Variants in HSD17B14 observed in about 807,000 individuals in gnomAD.
HSD17B14 encodes L-fucose dehydrogenase.
Under a neutral mutation model 32.2 loss-of-function variants are expected in HSD17B14, and 32 were observed. The observed-to-expected ratio is 0.99, with a 90% CI of 0.75 to 1.33. The LOEUF is 1.33. Ranked by LOEUF, HSD17B14 falls within the 40% of genes most tolerant of loss-of-function variation. The pLI, the probability that HSD17B14 is intolerant of heterozygous loss-of-function variation, is 0.00. For synonymous variants in HSD17B14, 140 were observed against 155.4 expected (o/e 0.90, Z 0.74); for missense variants, 370 against 366.5 (o/e 1.01, Z -0.08).
chr19:48,831,808 A>G, intron 4 of HSD17B14, 49 bp from the exon 5 acceptor site: 1 of 1,084,162 alleles, frequency 9.2e-7, no homozygotes, highest in South Asian at 1.3e-5. Flanking sequence ...GGCTGGACAC[A>G]GTTGCCCACG....
intron 5 of HSD17B14, among the ~76,000 whole-genome samples, chr19:48,824,787 A>C (rs2035217216): frequency 1.3e-5 from 2 of 152,084 alleles, no homozygotes; most frequent in Admixed American, 1.3e-4. Flanking sequence ...AAAAGAAAGA[A>C]AGAAAGAAAG....
intron 5 of HSD17B14, among the ~76,000 whole-genome samples, chr19:48,830,495 T>C (rs966677161): frequency 8.5e-5 from 13 of 152,112 alleles, no homozygotes; most frequent in African/African-American, 2.9e-4. Context: ...AACCAAAGTA[T>C]AAAAGAAAAT....
intron 5 of HSD17B14, among the ~76,000 whole-genome samples, chr19:48,822,599 G>A (rs1264567873): frequency 6.6e-6 from 1 of 151,652 alleles, no homozygotes; most frequent in Non-Finnish European, 1.5e-5. Flanking sequence ...TGATGAGGAT[G>A]GTGATGGTGA....
intron 5 of HSD17B14, among the ~76,000 whole-genome samples, chr19:48,823,468 A>C (rs2035192464): frequency 6.6e-6 from 1 of 152,092 alleles, no homozygotes; most frequent in South Asian, 2.1e-4. Flanking sequence ...GTGTTTGGAA[A>C]TGAACTGTCA....
Position 48,821,817 on chromosome 19 carries a change from C to T in HSD17B14, c.370-6676G>A, listed in dbSNP as rs181513187. On this transcript the variant is annotated intron_variant, in intron 5 of 8. Coordinates refer to ENST00000263278, the MANE Select transcript of HSD17B14 (RefSeq NM_016246.3). ...ATGATCGTAGTGATGATGATGGTGA[C>T]GGTGATGGTGAAGATGGTGATGATG... Among the ~76,000 whole-genome samples, 445 of 145,782 alleles carry T rather than the reference C, an allele frequency of 3.1e-3. 21 individuals are homozygous for T. The East Asian group carries it at 0.081, about 26-fold the overall frequency.
intron 5 of HSD17B14, among the ~76,000 whole-genome samples, chr19:48,826,299 C>G (rs2035244590): frequency 6.6e-6 from 1 of 150,576 alleles, no homozygotes; most frequent in Non-Finnish European, 1.5e-5. Context: ...TTGAGACCTG[C>G]CTGAACAACA....
chr19:48,815,794 G>T (rs756922325), intron 5 of HSD17B14, among the ~76,000 whole-genome samples: 2 of 151,962 alleles, frequency 1.3e-5, no homozygotes, highest in Non-Finnish European at 2.9e-5. Flanking sequence ...GGCTGAGGTG[G>T]GTGGATCATC....
At chr19:48,815,744 A>G (rs1157042067) in intron 5 of HSD17B14, among the ~76,000 whole-genome samples, 2 of 152,178 alleles carry the variant, frequency 1.3e-5, no homozygotes, top group East Asian at 3.9e-4. Flanking sequence ...ACTCTAGACC[A>G]GGCACAGTGT....
intron 5 of HSD17B14, among the ~76,000 whole-genome samples, chr19:48,826,542 T>TATATATATATAC: frequency 1.2e-3 from 99 of 80,076 alleles, no homozygotes; most frequent in Middle Eastern, 6.4e-3. Flanking sequence ...TATATATATA[T>TATATATATATAC]ACACACACAC....
chr19:48,813,278 A>G lies in HSD17B14; in HGVS notation c.710T>C (p.Phe237Ser), dbSNP rs1470035861. ...AAVFLASEAN[F>S]CTGIELLVTG... The stretch of plus-strand genomic sequence containing the variant: ...CACGAGCAGTTCAATGCCCGTGCAG[A>G]AGTTGGCTTCGGAGGCCAGGAACAC... Residue 237 changes from phenylalanine to serine, a missense_variant, in exon 9 of 9, where the codon TTC (phenylalanine) becomes TCC (serine). Phe to Ser is a radical substitution (Grantham distance 155, BLOSUM62 -2). Transcript: ENST00000263278. 1 of 1,605,918 alleles carries G rather than the reference A, an allele frequency of 6.2e-7. No individual in the cohort carries two copies.
intron 5 of HSD17B14, among the ~76,000 whole-genome samples, chr19:48,827,452 C>T (rs189981957): frequency 6.3e-4 from 96 of 152,142 alleles, no homozygotes; most frequent in African/African-American, 2.2e-3. Flanking sequence ...AAGTGCTATG[C>T]GGAGAATAAA....
chr19:48,817,002 ATTTTTTTTTTTTT>A (rs758061335), intron 5 of HSD17B14, among the ~76,000 whole-genome samples: 8 of 97,568 alleles, frequency 8.2e-5, no homozygotes, highest in African/African-American at 2.6e-4. Flanking sequence ...CACCAGGATA[ATTTTTTTTTTTTT>A]TTTTTTTTTT....
At chr19:48,824,750 G>A (rs1023727105) in intron 5 of HSD17B14, among the ~76,000 whole-genome samples, 4 of 142,844 alleles carry the variant, frequency 2.8e-5, no homozygotes, top group Non-Finnish European at 4.5e-5. Flanking sequence ...TGGCGACAGA[G>A]CAAGACTCTA....
In HSD17B14 at chr19:48,813,745, G is replaced by C; in HGVS notation, c.475-15C>G. 2 of 1,614,164 alleles carry C rather than the reference G, an allele frequency of 1.2e-6. No homozygotes were observed. Among genetic ancestry groups the C allele is most frequent in the Non-Finnish European group, 1.7e-6 (2 of 1,179,996 alleles). On this transcript the variant is annotated splice_polypyrimidine_tract_variant and intron_variant, in intron 6 of 8. Transcript: ENST00000263278. ...GTTACTGCCCCCTGCAGGAAATGGA[G>C]CGGGGAAGAAAGTTCAGTCCCCGGG...
At chr19:48,818,925 G>C (rs1317220765) in intron 5 of HSD17B14, among the ~76,000 whole-genome samples, 1 of 152,172 alleles carries the variant, frequency 6.6e-6, no homozygotes, top group Non-Finnish European at 1.5e-5. Context: ...AGAAGAACAG[G>C]GGCCAGATCA....
chr19:48,814,684 T>C (rs893137866), intron 6 of HSD17B14, among the ~76,000 whole-genome samples: 1 of 143,912 alleles, frequency 6.9e-6, no homozygotes, highest in Admixed American at 6.9e-5. Context: ...TACTAAAAAA[T>C]ACAAAAAAAA....
chr19:48,826,542 T>TATATATATATACACACACACACAC, intron 5 of HSD17B14, among the ~76,000 whole-genome samples: 23 of 80,118 alleles, frequency 2.9e-4, no homozygotes, highest in African/African-American at 1.2e-3. Flanking sequence ...TATATATATA[T>TATATATATATACACACACACACAC]ACACACACAC....
At chr19:48,817,915 G>A (rs1027967250) in intron 5 of HSD17B14, among the ~76,000 whole-genome samples, 1 of 152,200 alleles carries the variant, frequency 6.6e-6, no homozygotes, top group African/African-American at 2.4e-5. Flanking sequence ...GATGATTGAC[G>A]CCCGCAGGGC....
At chr19:48,815,238 C>T in intron 5 of HSD17B14, 97 bp from the exon 6 acceptor site, 1 of 855,348 alleles carries the variant, frequency 1.2e-6, no homozygotes, top group Non-Finnish European at 2.0e-6. Context: ...GGATGACGGC[C>T]ACCTCCCTGG....
Sources: allele counts gnomAD v4.1 joint callset (sites outside exome capture counted in the v4.1 genomes callset), GRCh38; gene constraint gnomAD v4.1.1; transcripts MANE v1.5; gene names NCBI Gene and HGNC (gene_info 2026-07-23, HGNC 2026-07-21).